Variants in WNT9A observed in about 807,000 individuals in gnomAD.
The protein encoded by WNT9A is protein Wnt-9a.
In WNT9A, 8 loss-of-function variants were observed where a neutral mutation model predicts 31.4. That is an observed-to-expected ratio of 0.26 (90% CI 0.15 to 0.46). The LOEUF is 0.46. Ranked by LOEUF, WNT9A falls within the 20% of genes least tolerant of loss-of-function variation. The probability of loss-of-function intolerance (pLI) is 0.99; values close to 1 mark genes in which losing one functional copy is unlikely to be tolerated. For missense variants in WNT9A, 457 were observed against 522.9 expected (o/e 0.87, Z 1.23); for synonymous variants, 236 against 220.1 (o/e 1.07, Z -0.64).
intron 1 of WNT9A, among the ~76,000 whole-genome samples, chr1:227,945,790 G>A (rs1351048687): frequency 6.6e-6 from 1 of 152,088 alleles, no homozygotes; most frequent in East Asian, 1.9e-4. Context: ...ACCCAGCCTG[G>A]AGCCCTTTGT....
rs1371281989 is a variant in WNT9A, at chr1:227,928,525, C to A, written c.96-3006G>T. Among the ~76,000 whole-genome samples, 1 of 152,236 alleles carries A rather than the reference C, an allele frequency of 6.6e-6. No individual in the cohort carries two copies. The highest frequency in any genetic ancestry group is 2.4e-5 in the African/African-American group (1 of 41,460). ...CCCTCACCTCTCCCACCCTGGGTAACCCCTGCCCCATGCCTCCTTCATTGT... is the reference window on the plus strand; with the variant it reads ...CCCTCACCTCTCCCACCCTGGGTAAACCCTGCCCCATGCCTCCTTCATTGT... On this transcript the variant is annotated intron_variant, in intron 1 of 3. Coordinates refer to ENST00000272164, the MANE Select transcript of WNT9A (RefSeq NM_003395.4). The surrounding 1 kb of genome is among the most constrained non-coding windows in gnomAD (Gnocchi z 4.5).
chr1:227,936,422 C>A (rs1260294472), intron 1 of WNT9A, among the ~76,000 whole-genome samples: 3 of 152,146 alleles, frequency 2.0e-5, no homozygotes. Context: ...AAATTCCTAA[C>A]CTCAGGTGAT....
chr1:227,926,332 C>T lies in WNT9A; in HGVS notation c.96-813G>A, dbSNP rs528157169. On this transcript the variant is annotated intron_variant, in intron 1 of 3. Coordinates refer to ENST00000272164, the MANE Select transcript of WNT9A (RefSeq NM_003395.4). The surrounding 1 kb of genome is among the most constrained non-coding windows in gnomAD (Gnocchi z 5.0). ...CCCAACCTCAACTGCTCCAGGAACC[C>T]GGCTCCACCCCACTGGGTGCCCCCT... 1.3e-5 allele frequency among the ~76,000 whole-genome samples: 2 copies of T among 152,072 alleles called. No individual in the cohort carries two copies. Among genetic ancestry groups the T allele is most frequent in the Non-Finnish European group, 2.9e-5 (2 of 68,012 alleles).
At chr1:227,931,510 CT>C (rs570843100) in intron 1 of WNT9A, among the ~76,000 whole-genome samples, 47 of 152,312 alleles carry the variant, frequency 3.1e-4, no homozygotes, top group Non-Finnish European at 5.6e-4. Context: ...GATCCAGTTT[CT>C]TTTTTCTTTT....
In WNT9A at chr1:227,921,503, G is replaced by A. The variant is rs1666312751; in HGVS notation, c.*15C>T. The A allele has an allele frequency of 6.3e-7, 1 of 1,597,372 alleles. No homozygotes were observed. Among genetic ancestry groups the A allele is most frequent in the Non-Finnish European group, 8.5e-7 (1 of 1,170,026 alleles). ...GCCTGCACCCTGTGCAGCAGGGCTG[G>A]CAGGGCCTGGGAACTCAGCCCTTGC... On this transcript the variant is annotated 3_prime_UTR_variant, in exon 4 of 4. Coordinates refer to ENST00000272164, the MANE Select transcript of WNT9A (RefSeq NM_003395.4).
intron 1 of WNT9A, among the ~76,000 whole-genome samples, chr1:227,933,541 C>G (rs1666544102): frequency 6.6e-6 from 1 of 152,222 alleles, no homozygotes; most frequent in South Asian, 2.1e-4. Flanking sequence ...CAGCTTCCAG[C>G]CTGTCTTGGC....
intron 1 of WNT9A, among the ~76,000 whole-genome samples, chr1:227,938,442 C>G (rs775825353): frequency 6.6e-6 from 1 of 151,666 alleles, no homozygotes; most frequent in Non-Finnish European, 1.5e-5. Context: ...CCCATAAACC[C>G]ATACACACAG....
chr1:227,940,279 C>T (rs1235194634), intron 1 of WNT9A, among the ~76,000 whole-genome samples: 2 of 152,174 alleles, frequency 1.3e-5, no homozygotes, highest in Admixed American at 6.5e-5. Context: ...AGACAGGCAA[C>T]CAAGGCTGCA....
intron 1 of WNT9A, among the ~76,000 whole-genome samples, chr1:227,934,768 G>C (rs61825079): frequency 0.011 from 1,656 of 152,266 alleles, 14 homozygotes; most frequent in Non-Finnish European, 0.017. Context: ...TCACGACGCA[G>C]AGCCTGAGTC....
At chr1:227,937,980 C>T (rs983674300) in intron 1 of WNT9A, among the ~76,000 whole-genome samples, 8 of 152,196 alleles carry the variant, frequency 5.3e-5, no homozygotes, top group Admixed American at 1.3e-4. Flanking sequence ...TCAGCGCACA[C>T]GTGGTGGCTG....
chr1:227,921,781 C>A lies in WNT9A; in HGVS notation c.835G>T (p.Gly279Cys). The A allele has an allele frequency of 1.2e-6, 2 of 1,612,372 alleles. No homozygotes were observed. Among genetic ancestry groups the A allele is most frequent in the African/African-American group, 1.3e-5 (1 of 75,050 alleles). The change falls in exon 4 of 4, where the codon GGC (glycine) becomes TGC (cysteine). Residue 279 changes from glycine to cysteine, a missense_variant. Coordinates refer to ENST00000272164, the MANE Select transcript of WNT9A (RefSeq NM_003395.4). ...PPRGRASGAG[G>C]SDPLPRTPEL... ...GGAGTGCGGGGCAGCGGGTCGCTGC[C>A]ACCTGCCCCCGAGGCACGGCCCCGT...
At chr1:227,931,257 C>A (rs1666506109) in intron 1 of WNT9A, among the ~76,000 whole-genome samples, 1 of 152,152 alleles carries the variant, frequency 6.6e-6, no homozygotes, top group Non-Finnish European at 1.5e-5. Flanking sequence ...GGGCTCCATC[C>A]TCTTCTATGG....
Position 227,925,394 on chromosome 1 carries a change from C to T in WNT9A, c.221G>A (p.Arg74Gln), listed in dbSNP as rs1244350677. ...CAGCGTCTCTGCCACGCCCGGGTCCCGGCGGCACATGCGCCGCTGCTTCCG... is the reference window on the plus strand; with the variant it reads ...CAGCGTCTCTGCCACGCCCGGGTCCTGGCGGCACATGCGCCGCTGCTTCCG... ...LERKQRRMCR[R>Q]DPGVAETLVE... The change falls in exon 2 of 4, where the codon CGG becomes CAG. Residue 74 changes from arginine (R) to glutamine (Q), a missense_variant. Transcript: ENST00000272164. This position sits in a 1 kb window ranked among gnomAD's most constrained non-coding sequence, Gnocchi z 6.0. 6 of 1,610,356 alleles carry T rather than the reference C, an allele frequency of 3.7e-6. No homozygotes were observed. The highest frequency in any genetic ancestry group is 2.2e-5 in the South Asian group (2 of 90,792).
chr1:227,924,274 C>G lies in WNT9A; in HGVS notation c.479G>C (p.Arg160Pro). The change falls in exon 3 of 4, where the codon CGT becomes CCT. Residue 160 changes from arginine (R) to proline (P), a missense_variant. Coordinates refer to ENST00000272164, the MANE Select transcript of WNT9A (RefSeq NM_003395.4). ...TCDEAPDLEN[R>P]EAWQWGGCGD... ...GCAGCCCCCCCACTGCCAGGCCTCA[C>G]GGTTCTCCAGGTCGGGTGCCTCATC... The G allele has an allele frequency of 6.2e-7, 1 of 1,613,892 alleles. No individual in the cohort carries two copies. The highest frequency in any genetic ancestry group is 8.5e-7 in the Non-Finnish European group (1 of 1,179,994).
At chr1:227,924,049 GC>G in intron 3 of WNT9A, 88 bp downstream of exon 3, 1 of 1,307,684 alleles carries the variant, frequency 7.6e-7, no homozygotes, top group Non-Finnish European at 1.0e-6. Context: ...CCCTGCTGCA[GC>G]CCCGCCCCCA....
chr1:227,944,393 T>C (rs558956029), intron 1 of WNT9A, among the ~76,000 whole-genome samples: 2 of 152,250 alleles, frequency 1.3e-5, no homozygotes, highest in South Asian at 2.1e-4. Context: ...GCCTAATGCG[T>C]ATGAGGTTTC....
At position 227,946,295 on chromosome 1, in the gene WNT9A, T is replaced by C. The variant is rs368712991; in HGVS notation, c.95+1498A>G. Reference sequence around the variant, plus strand: ...GAGGCCAAGACCCAGCGCCACCCCGTCTCCAGGAATCGGATCACAGCAGGG... The same window carrying C: ...GAGGCCAAGACCCAGCGCCACCCCGCCTCCAGGAATCGGATCACAGCAGGG... On this transcript the variant is annotated intron_variant, in intron 1 of 3. Coordinates refer to ENST00000272164, the MANE Select transcript of WNT9A (RefSeq NM_003395.4). Among the ~76,000 whole-genome samples the C allele has an allele frequency of 5.7e-4, 87 of 152,236 alleles. 1 individual carries two copies. The South Asian group carries it at 0.017, about 30-fold the overall frequency.
At chr1:227,937,112 G>T (rs575969702) in intron 1 of WNT9A, among the ~76,000 whole-genome samples, 1 of 152,150 alleles carries the variant, frequency 6.6e-6, no homozygotes, top group Non-Finnish European at 1.5e-5. Flanking sequence ...TTTAAATCAG[G>T]CCTTACTTAC....
At chr1:227,936,634 C>CTT (rs35945819) in intron 1 of WNT9A, among the ~76,000 whole-genome samples, 73,730 of 148,414 alleles carry the variant, frequency 0.5, 18,135 homozygotes, top group Non-Finnish European at 0.51. Flanking sequence ...TGCACCCAGT[C>CTT]TTTTTTTTTT....
Sources: gnomAD v4.1 joint callset for allele counts (sites outside exome capture counted in the v4.1 genomes callset) on GRCh38, gnomAD v4.1.1 for gene constraint, Gnocchi (gnomAD v3.1) non-coding constraint, MANE v1.5 for transcripts, NCBI Gene and HGNC (gene_info 2026-07-23, HGNC 2026-07-21) for gene names.